SLC9A7: variants seen among roughly 807,000 people sequenced by gnomAD.
The protein encoded by SLC9A7 is sodium/hydrogen exchanger 7.
SLC9A7 carries 19 observed loss-of-function variants against 52.6 expected under a neutral mutation model. That is an observed-to-expected ratio of 0.36 (90% CI 0.25 to 0.53). The LOEUF is 0.53. SLC9A7 is among the 20% of genes least tolerant of loss of function. The probability of loss-of-function intolerance (pLI) is 0.91; values close to 1 mark genes in which losing one functional copy is unlikely to be tolerated. For missense variants in SLC9A7, 455 were observed against 597.9 expected, an observed-to-expected ratio of 0.76 and a Z score of 2.49; for synonymous variants, 226 against 252.1, an observed-to-expected ratio of 0.90 and a Z score of 0.98.
intron 1 of SLC9A7, among the ~76,000 whole-genome samples, chrX:46,720,674 TAA>T (rs934313830): frequency 4.5e-5 from 5 of 110,905 alleles, no homozygotes; most frequent in African/African-American, 1.6e-4. Context: ...CCCCTACACA[TAA>T]ACACTCATAT....
chrX:46,631,037 A>G (rs937522683), intron 14 of SLC9A7, among the ~76,000 whole-genome samples: 2 of 111,983 alleles, frequency 1.8e-5, no homozygotes, highest in Non-Finnish European at 3.8e-5. Context: ...CATATGAGTA[A>G]ATGAACCTTT....
chrX:46,756,974 A>T (rs1922714967), intron 1 of SLC9A7, among the ~76,000 whole-genome samples: 1 of 112,320 alleles, frequency 8.9e-6, no homozygotes, highest in Admixed American at 9.4e-5. Context: ...TCCAGAAAAT[A>T]TATTTTCAAA....
rs756427612 is a variant in SLC9A7 at position 46,662,572 on chromosome X, C to A, written c.865G>T (p.Val289Phe). The A allele has an allele frequency of 8.3e-7, 1 of 1,208,785 alleles. No homozygotes were observed. The highest frequency in any genetic ancestry group is 1.8e-5 in the South Asian group (1 of 56,874). The change falls in exon 6 of 17, where the codon GTC (valine) becomes TTC (phenylalanine). Residue 289 changes from valine to phenylalanine, a missense_variant. By Grantham distance (50) the Val-to-Phe change is conservative (BLOSUM62 -1). This residue lies in a region of SLC9A7 where 304 missense variants were observed against 417.8 expected (regional missense o/e 0.73). Coordinates refer to ENST00000616978, the MANE Select transcript of SLC9A7 (RefSeq NM_001257291.2). ...ACAATGGCAACAGCATCATTTAGGA[C>A]GCTCTCTCCAAAAAGAAGTGCGTAA... ...DLYALLFGES[V>F]LNDAVAIVLS... is the part of the protein sequence containing the mutation.
chrX:46,651,247 G>A (rs1354975012), intron 9 of SLC9A7, 24 bp from the exon 10 acceptor site: 3 of 1,167,743 alleles, frequency 2.6e-6, no homozygotes, highest in East Asian at 3.0e-5. Context: ...GGAAAAGGAA[G>A]CTGTAACCCT....
rs780301566 is a variant in SLC9A7 at position 46,604,986 on chromosome X, A to G, written c.*1966T>C. On this transcript the variant is annotated 3_prime_UTR_variant, in exon 17 of 17. Coordinates refer to ENST00000616978, the MANE Select transcript of SLC9A7 (RefSeq NM_001257291.2). ...GGGACACAATATTTTGTCTTCCATC[A>G]TAAGAAAAACTGGCCAGTATGGTGA... 9.0e-6 allele frequency: 1 copy of G among 110,929 alleles called. No individual in the cohort carries two copies. The highest frequency in any genetic ancestry group is 3.3e-5 in the African/African-American group (1 of 30,481). The allele number at this position is 110,929 out of a possible 1,213,427, so 9.1% of individuals were successfully genotyped here.
At chrX:46,720,151 A>G (rs1011041720) in intron 1 of SLC9A7, among the ~76,000 whole-genome samples, 3 of 111,844 alleles carry the variant, frequency 2.7e-5, no homozygotes, top group Non-Finnish European at 5.6e-5. Flanking sequence ...GTTATGAAAA[A>G]GAAATCAAAG....
intron 1 of SLC9A7, among the ~76,000 whole-genome samples, chrX:46,699,575 T>C (rs188466827): frequency 2.7e-5 from 3 of 111,546 alleles, no homozygotes; most frequent in African/African-American, 6.5e-5. Context: ...GGAGGGATTA[T>C]TGCTGCCTAT....
At chrX:46,667,542 T>C (rs898879059) in intron 5 of SLC9A7, among the ~76,000 whole-genome samples, 4 of 111,507 alleles carry the variant, frequency 3.6e-5, no homozygotes, top group African/African-American at 9.8e-5. Context: ...TTACCCTACA[T>C]TTCAAGTGCT....
At chrX:46,725,111 T>G in intron 1 of SLC9A7, 1 of 583,162 alleles carries the variant, frequency 1.7e-6, no homozygotes, top group Non-Finnish European at 3.1e-6. Flanking sequence ...AGTCCCCTAG[T>G]CCCATAATAT....
intron 3 of SLC9A7, among the ~76,000 whole-genome samples, chrX:46,676,746 C>T (rs755005672): frequency 9.8e-5 from 11 of 111,757 alleles, no homozygotes; most frequent in Non-Finnish European, 1.9e-4. Context: ...CTCCTATCTA[C>T]TACATGTCAA....
rs781153067 is a variant in SLC9A7 at position 46,682,232 on chromosome X, C to T, written c.525+104G>A. 350 of 779,799 alleles carry T rather than the reference C, an allele frequency of 4.5e-4. 2 individuals carry two copies. In the African/African-American group the frequency reaches 6.7e-3, roughly 15 times the overall value. The allele number at this position is 779,799 out of a possible 1,213,427, so 64.3% of individuals were successfully genotyped here. ...ACAAAACAGAGAGCCAGGAATGTTA[C>T]GGATAATCCAGGAGTTTGGAAGGAT... On this transcript the variant is annotated intron_variant, in intron 2 of 16. Coordinates refer to ENST00000616978, the MANE Select transcript of SLC9A7 (RefSeq NM_001257291.2).
rs781661009 is a variant in SLC9A7 at position 46,739,383 on chromosome X, C to T, written c.325+19322G>A. Among the ~76,000 whole-genome samples the T allele has an allele frequency of 2.7e-5, 3 of 111,014 alleles. No homozygotes were observed. In the South Asian group the frequency reaches 1.2e-3, roughly 43 times the overall value. On this transcript the variant is annotated intron_variant, in intron 1 of 16. Coordinates refer to ENST00000616978, the MANE Select transcript of SLC9A7 (RefSeq NM_001257291.2). ...GAAGAATCTTCATGCTAGTCTTGGC[C>T]CTTGGATCCATTTTATGCCCTTTCT... is the stretch of plus-strand genomic sequence containing the variant.
At chrX:46,629,342 G>A (rs192835261) in intron 14 of SLC9A7, among the ~76,000 whole-genome samples, 18 of 112,063 alleles carry the variant, frequency 1.6e-4, no homozygotes, top group African/African-American at 5.8e-4. Context: ...CTGGGGGTGG[G>A]GGCTATTTTA....
intron 1 of SLC9A7, among the ~76,000 whole-genome samples, chrX:46,742,000 G>A (rs967149101): frequency 1.8e-5 from 2 of 111,296 alleles, no homozygotes; most frequent in South Asian, 3.7e-4. Context: ...TCACCAAAAA[G>A]GATATATAAA....
chrX:46,606,239 T>C lies in SLC9A7; in HGVS notation c.*713A>G. 9.4e-6 allele frequency: 7 copies of C among 743,888 alleles called. No homozygotes were observed. The highest frequency in any genetic ancestry group is 1.1e-5 in the Non-Finnish European group (7 of 629,875). The allele number at this position is 743,888 out of a possible 1,213,427, so 61.3% of individuals were successfully genotyped here. ...TCCTTTCCTCAGATTAATCAAAAAATAAGAGTATAACACTATTTGCCTTTG... is the reference window on the plus strand; with the variant it reads ...TCCTTTCCTCAGATTAATCAAAAAACAAGAGTATAACACTATTTGCCTTTG... On this transcript the variant is annotated 3_prime_UTR_variant, in exon 17 of 17. Coordinates refer to ENST00000616978, the MANE Select transcript of SLC9A7 (RefSeq NM_001257291.2).
chrX:46,685,326 T>C, intron 1 of SLC9A7: 1 of 123,922 alleles, frequency 8.1e-6, no homozygotes. Flanking sequence ...AGCTTCTCCA[T>C]CCCCTGTACT....
intron 15 of SLC9A7, among the ~76,000 whole-genome samples, chrX:46,619,177 T>C (rs1449911546): frequency 8.9e-6 from 1 of 111,841 alleles, no homozygotes; most frequent in East Asian, 2.8e-4. Context: ...ATCAGTCATC[T>C]GAGAAATGCA....
At chrX:46,737,437 T>G (rs1945138759) in intron 1 of SLC9A7, among the ~76,000 whole-genome samples, 1 of 112,300 alleles carries the variant, frequency 8.9e-6, no homozygotes. Flanking sequence ...CTTTCTTCAG[T>G]GGTACCTGTC....
chrX:46,733,816 G>GT (rs1416839535), intron 1 of SLC9A7, among the ~76,000 whole-genome samples: 1 of 110,179 alleles, frequency 9.1e-6, no homozygotes, highest in East Asian at 2.8e-4. Context: ...ATGGAGGGCA[G>GT]TGAAAAAAAA....
Sources: gnomAD v4.1 joint callset for allele counts (sites outside exome capture counted in the v4.1 genomes callset) on GRCh38, gnomAD v4.1.1 for gene constraint, gnomAD v4.1.1 regional missense constraint, MANE v1.5 for transcripts, NCBI Gene and HGNC (gene_info 2026-07-23, HGNC 2026-07-21) for gene names.